DPYD: variants seen among roughly 807,000 people sequenced by gnomAD.
DPYD encodes dihydropyrimidine dehydrogenase.
A neutral mutation model predicts 116.2 loss-of-function variants in DPYD; 109 were observed. That is an observed-to-expected ratio of 0.94 (90% CI 0.80 to 1.10). The LOEUF (loss-of-function observed/expected upper bound fraction) is 1.10, where lower values mean the gene tolerates loss of function less well. Ranked by LOEUF, DPYD falls within the 50% of genes least tolerant of loss-of-function variation. The pLI is 0.00. For synonymous variants in DPYD, 440 were observed against 432.0 expected (o/e 1.02, Z -0.23); for missense variants, 1,302 against 1,254.5 (o/e 1.04, Z -0.57).
At chr1:97,138,312 T>A (rs1321107807) in intron 20 of DPYD, among the ~76,000 whole-genome samples, 2 of 152,150 alleles carry the variant, frequency 1.3e-5, no homozygotes, top group African/African-American at 2.4e-5. Flanking sequence ...CTCCACAGAT[T>A]TATCCTGGCA....
chr1:97,529,857 T>C (rs999586262), intron 12 of DPYD, among the ~76,000 whole-genome samples: 4 of 150,660 alleles, frequency 2.7e-5, no homozygotes, highest in Non-Finnish European at 5.9e-5. Context: ...TTCCCTCCTG[T>C]CTTCCCTTTC....
At chr1:97,522,894 A>G (rs1648787550) in intron 12 of DPYD, among the ~76,000 whole-genome samples, 1 of 152,114 alleles carries the variant, frequency 6.6e-6, no homozygotes, top group Non-Finnish European at 1.5e-5. Flanking sequence ...TTTATCTTTA[A>G]TAATTATTTT....
At chr1:97,868,769 T>C (rs1671518730) in intron 2 of DPYD, among the ~76,000 whole-genome samples, 1 of 151,760 alleles carries the variant, frequency 6.6e-6, no homozygotes. Context: ...CCCTACTGCC[T>C]CACACAACTT....
chr1:97,613,578 G>T (rs1395767141), intron 8 of DPYD, among the ~76,000 whole-genome samples: 2 of 151,980 alleles, frequency 1.3e-5, no homozygotes, highest in African/African-American at 4.8e-5. Flanking sequence ...TTCAACGCAT[G>T]ATCTGCCAAT....
intron 20 of DPYD, among the ~76,000 whole-genome samples, chr1:97,139,921 C>G (rs1654087433): frequency 6.6e-6 from 1 of 152,148 alleles, no homozygotes; most frequent in Non-Finnish European, 1.5e-5. Context: ...TTTCTCTGCT[C>G]TCTCCTGTAG....
chr1:97,113,762 T>C (rs1408731465), intron 20 of DPYD, among the ~76,000 whole-genome samples: 2 of 152,122 alleles, frequency 1.3e-5, no homozygotes, highest in African/African-American at 4.8e-5. Flanking sequence ...ACATTGTTTA[T>C]TAATACAATA....
intron 20 of DPYD, among the ~76,000 whole-genome samples, chr1:97,124,938 T>G (rs1652721407): frequency 6.6e-6 from 1 of 152,122 alleles, no homozygotes; most frequent in African/African-American, 2.4e-5. Flanking sequence ...CTTTTCCTAG[T>G]GGGTATGAAA....
chr1:97,291,878 C>G (rs1318734063), intron 18 of DPYD, among the ~76,000 whole-genome samples: 1 of 151,888 alleles, frequency 6.6e-6, no homozygotes, highest in Non-Finnish European at 1.5e-5. Context: ...CCCTAAATTC[C>G]TATATTTGAA....
chr1:97,493,514 T>C (rs1228258678), intron 13 of DPYD, among the ~76,000 whole-genome samples: 1 of 152,168 alleles, frequency 6.6e-6, no homozygotes, highest in Non-Finnish European at 1.5e-5. Context: ...CTCTACCTAA[T>C]ACAGGATCTT....
intron 13 of DPYD, among the ~76,000 whole-genome samples, chr1:97,458,579 AG>A (rs1449770343): frequency 2.0e-5 from 3 of 152,304 alleles, no homozygotes; most frequent in Non-Finnish European, 4.4e-5. Context: ...CAAACATCTG[AG>A]ACAGCAGACA....
intron 20 of DPYD, among the ~76,000 whole-genome samples, chr1:97,185,175 T>C (rs967013634): frequency 1.3e-5 from 2 of 152,066 alleles, no homozygotes; most frequent in Non-Finnish European, 2.9e-5. Flanking sequence ...ATGGACAAAA[T>C]ATTTGAATAG....
chr1:97,284,558 C>G (rs1665538768), intron 18 of DPYD, among the ~76,000 whole-genome samples: 1 of 151,800 alleles, frequency 6.6e-6, no homozygotes, highest in Non-Finnish European at 1.5e-5. Flanking sequence ...AATTTAATTT[C>G]CCAGCAATTA....
rs766761199 is a variant in DPYD at position 97,515,858 on chromosome 1, T to G, written c.1608A>C (p.Glu536Asp). 3.1e-6 allele frequency: 5 copies of G among 1,612,946 alleles called. No individual in the cohort carries two copies. The highest frequency in any genetic ancestry group is 4.2e-6 in the Non-Finnish European group (5 of 1,179,260). ...TPIDLVDISV[E>D]MAGLKFINPF... is the part of the protein sequence containing the mutation. ...GATTTATAAACTTCAATCCGGCCAT[T>G]TCTACACTAATGTCCACCAGATCAA... The change falls in exon 13 of 23, where the codon GAA (glutamate) becomes GAC (aspartate). Residue 536 changes from glutamate (E) to aspartate (D), a missense_variant. Transcript: ENST00000370192.
intron 19 of DPYD, among the ~76,000 whole-genome samples, chr1:97,224,800 T>C (rs961448982): frequency 1.3e-5 from 2 of 151,938 alleles, no homozygotes; most frequent in African/African-American, 4.8e-5. Flanking sequence ...TCATTTGGCA[T>C]AGTATTCTCT....
At chr1:97,454,584 A>G (rs1676586504) in intron 13 of DPYD, among the ~76,000 whole-genome samples, 1 of 151,934 alleles carries the variant, frequency 6.6e-6, no homozygotes, top group Non-Finnish European at 1.5e-5. Context: ...AGGAAGTGTT[A>G]GGTAATATCT....
At position 97,752,451 on chromosome 1, in the gene DPYD, T is replaced by C. The variant is rs529778833; in HGVS notation, c.234-11972A>G. 3.9e-5 allele frequency among the ~76,000 whole-genome samples: 6 copies of C among 152,296 alleles called. No homozygotes were observed. In the East Asian group the frequency reaches 1.2e-3, roughly 29 times the overall value. On this transcript the variant is annotated intron_variant, in intron 3 of 22. Coordinates refer to ENST00000370192, the MANE Select transcript of DPYD (RefSeq NM_000110.4). Reference sequence around the variant, plus strand: ...TCAGCACGAATTTTTTTCTAAAGTTTTAATGCAATCCTGGTGATCTTTTTA... The same window carrying C: ...TCAGCACGAATTTTTTTCTAAAGTTCTAATGCAATCCTGGTGATCTTTTTA...
chr1:97,367,469 C>T (rs998211268), intron 16 of DPYD, among the ~76,000 whole-genome samples: 1 of 152,084 alleles, frequency 6.6e-6, no homozygotes, highest in Non-Finnish European at 1.5e-5. Flanking sequence ...GGACTTCATA[C>T]ATCTCCCTGA....
intron 20 of DPYD, among the ~76,000 whole-genome samples, chr1:97,100,434 A>C (rs777550335): frequency 6.6e-6 from 1 of 152,024 alleles, no homozygotes; most frequent in African/African-American, 2.4e-5. Context: ...TCTCAATCCT[A>C]ATCTAATATA....
At chr1:97,465,464 T>C (rs965401390) in intron 13 of DPYD, among the ~76,000 whole-genome samples, 3 of 152,268 alleles carry the variant, frequency 2.0e-5, no homozygotes, top group Admixed American at 6.5e-5. Flanking sequence ...CATCTTGAAT[T>C]CCCATGTGTT....
Sources: gnomAD v4.1 joint callset for allele counts (sites outside exome capture counted in the v4.1 genomes callset) on GRCh38, gnomAD v4.1.1 for gene constraint, MANE v1.5 for transcripts, NCBI Gene and HGNC (gene_info 2026-07-23, HGNC 2026-07-21) for gene names.